Variants in HNRNPM observed in about 807,000 individuals in gnomAD.
HNRNPM encodes the protein CEA receptor.
HNRNPM carries 11 observed loss-of-function variants against 73.1 expected under a neutral mutation model. The observed-to-expected ratio is 0.15, with a 90% CI of 0.09 to 0.25. The LOEUF (loss-of-function observed/expected upper bound fraction) is 0.25. Ranked by LOEUF, HNRNPM falls within the 10% of genes least tolerant of loss-of-function variation. The pLI is 1.00. For synonymous variants in HNRNPM, 407 were observed against 355.2 expected (o/e 1.15, Z -1.64); for missense variants, 789 against 1,067.9 (o/e 0.74, Z 3.64).
chr19:8,460,134 CG>C (rs1297954780), intron 2 of HNRNPM, among the ~76,000 whole-genome samples: 1 of 152,134 alleles, frequency 6.6e-6, no homozygotes, highest in African/African-American at 2.4e-5. Flanking sequence ...ATGGTTTGCT[CG>C]TTAAACTTCA....
chr19:8,486,178 A>C lies in HNRNPM; in HGVS notation c.1750A>C (p.Met584Leu), dbSNP rs1223117176. The C allele has an allele frequency of 6.3e-7, 1 of 1,584,524 alleles. No homozygotes were observed. The highest frequency in any genetic ancestry group is 8.6e-7 in the Non-Finnish European group (1 of 1,164,138). The change falls in exon 14 of 16, where the codon ATG becomes CTG. Residue 584 changes from methionine to leucine, a missense_variant. Met to Leu is a conservative substitution (Grantham distance 15). Transcript: ENST00000325495. ...CCTCGAGCGCATGGGCCTGGAGCGC[A>C]TGGGTGCCAACAGCCTCGAGCGCAT... is the stretch of plus-strand genomic sequence containing the variant. ...NSLERMGLER[M>L]GANSLERMGP... is the part of the protein sequence containing the mutation.
rs1330259867 is a variant in HNRNPM, at chr19:8,485,786, G to A, written c.1358G>A (p.Gly453Asp). ...GGCTCCGTGGAGCGCATGGGCTCCG[G>A]CATTGAGCGCATGGGCCCGCTGGGC... ...RMGSVERMGS[G>D]IERMGPLGLD... The change falls in exon 14 of 16, where the codon GGC becomes GAC. Residue 453 changes from glycine to aspartate, a missense_variant. Physicochemically the swap from Gly to Asp is moderately conservative, Grantham distance 94 (BLOSUM62 -1). This residue lies in a region of HNRNPM where 604 missense variants were observed against 744.0 expected (regional missense o/e 0.81). Transcript: ENST00000325495. The A allele has an allele frequency of 6.2e-7, 1 of 1,602,780 alleles. No individual in the cohort carries two copies. The highest frequency in any genetic ancestry group is 8.5e-7 in the Non-Finnish European group (1 of 1,178,836).
At chr19:8,454,684 C>CCCCT (rs1491140298) in intron 1 of HNRNPM, among the ~76,000 whole-genome samples, 1 of 118,768 alleles carries the variant, frequency 8.4e-6, no homozygotes, top group East Asian at 2.5e-4. Context: ...CCCCCCCCCC[C>CCCCT]TTTTTTTTTT....
rs562050119 is a variant in HNRNPM, at chr19:8,476,111, T to C, written c.1120+1867T>C. The stretch of plus-strand genomic sequence containing the variant: ...AGGATTCAGAGCCTGGGGTACGCGG[T>C]GGCAAAGGATTCCAAGTGCTGATTC... On this transcript the variant is annotated intron_variant, in intron 12 of 15. Coordinates refer to ENST00000325495, the MANE Select transcript of HNRNPM (RefSeq NM_005968.5). Among the ~76,000 whole-genome samples the C allele has an allele frequency of 4.8e-3, 736 of 152,098 alleles. 4 individuals are homozygous for C. The highest frequency in any genetic ancestry group is 9.0e-3 in the Non-Finnish European group (612 of 67,994).
At position 8,486,090 on chromosome 19, in the gene HNRNPM, C is replaced by T. The variant is rs1295729710; in HGVS notation, c.1662C>T (p.Gly554=). The T allele has an allele frequency of 6.2e-7, 1 of 1,606,428 alleles. No individual in the cohort carries two copies. The highest frequency in any genetic ancestry group is 8.5e-7 in the Non-Finnish European group (1 of 1,179,536). The change falls in exon 14 of 16, where the codon GGC becomes GGT. Residue 554 remains glycine (G), a synonymous_variant. Transcript: ENST00000325495. ...CCGTGATGGATCGCATGGCCACCGG[C>T]CTGGAGCGCATGGGCGCCAACAATC... ...MGPVMDRMAT[G]LERMGANNLE... is the part of the protein sequence containing the mutation.
intron 12 of HNRNPM, among the ~76,000 whole-genome samples, chr19:8,477,790 C>A (rs76115160): frequency 6.6e-6 from 1 of 151,994 alleles, no homozygotes; most frequent in South Asian, 2.1e-4. Context: ...TGCAGACATA[C>A]GTCTCGCCAT....
intron 12 of HNRNPM, among the ~76,000 whole-genome samples, chr19:8,481,241 T>C (rs111364559): frequency 0.06 from 9,110 of 152,258 alleles, 586 homozygotes; most frequent in African/African-American, 0.16. Context: ...ATACTAAGGG[T>C]GGCTTGGGAC....
chr19:8,473,467 A>G (rs1326981398), intron 10 of HNRNPM, among the ~76,000 whole-genome samples, 197 bp from the exon 11 acceptor site: 1 of 152,096 alleles, frequency 6.6e-6, no homozygotes, highest in Non-Finnish European at 1.5e-5. Flanking sequence ...TTTAAAAAAA[A>G]AAAAAATAGC....
At chr19:8,446,139 T>TGG (rs1968167474) in intron 1 of HNRNPM, among the ~76,000 whole-genome samples, 1 of 152,218 alleles carries the variant, frequency 6.6e-6, no homozygotes, top group African/African-American at 2.4e-5. Flanking sequence ...ATTTATTTCA[T>TGG]TGTGGTAAAA....
At position 8,466,323 on chromosome 19, in the gene HNRNPM, A is replaced by T; in HGVS notation, c.719A>T (p.Asp240Val). The change falls in exon 7 of 16, where the codon GAT becomes GTT. Residue 240 changes from aspartate to valine, a missense_variant. Physicochemically the swap from Asp to Val is radical, Grantham distance 152. Coordinates refer to ENST00000325495, the MANE Select transcript of HNRNPM (RefSeq NM_005968.5). ...CGAGCAGACATTCTTGAAGATAAAG[A>T]TGGAAAAAGTCGTGGAATAGGCACT... ...VVRADILEDK[D>V]GKSRGIGTVT... The T allele has an allele frequency of 1.2e-6, 2 of 1,614,150 alleles. No individual in the cohort carries two copies. The highest frequency in any genetic ancestry group is 1.7e-6 in the Non-Finnish European group (2 of 1,180,002).
rs997269764 is a variant in HNRNPM at position 8,462,621 on chromosome 19, T to C, written c.336+40T>C. On this transcript the variant is annotated intron_variant, in intron 3 of 15. Coordinates refer to ENST00000325495, the MANE Select transcript of HNRNPM (RefSeq NM_005968.5). The surrounding 1 kb of genome is among the most constrained non-coding windows in gnomAD (Gnocchi z 4.5). Reference sequence around the variant, plus strand: ...GAATTTCTTCTGTGGATTTACTACATGAAAAATGTAACTGTATGGTGGCGT... The same window carrying C: ...GAATTTCTTCTGTGGATTTACTACACGAAAAATGTAACTGTATGGTGGCGT... The C allele has an allele frequency of 6.6e-7, 1 of 1,505,202 alleles. No individual in the cohort carries two copies. Among genetic ancestry groups the C allele is most frequent in the African/African-American group, 1.4e-5 (1 of 72,824 alleles). 93.2% of individuals were successfully genotyped at this position (1,505,202 alleles called of 1,614,324 possible).
intron 6 of HNRNPM, among the ~76,000 whole-genome samples, chr19:8,465,734 C>T (rs1001725368): frequency 6.6e-6 from 1 of 152,050 alleles, no homozygotes; most frequent in Non-Finnish European, 1.5e-5. Flanking sequence ...TCCTGAGTTT[C>T]GCAGGTGTTT....
In HNRNPM at chr19:8,488,767, A is replaced by G. The variant is rs148881453; in HGVS notation, c.2106A>G (p.Pro702=). Residue 702 remains proline (P), a synonymous_variant, in exon 16 of 16, where the codon CCA becomes CCG. Transcript: ENST00000325495. ...GTGGCGTGGTTAAGTTCGAGTCGCC[A>G]GAGGTGGCCGAGAGAGCCTGCCGGA... The part of the protein sequence containing the change: ...KGCGVVKFES[P]EVAERACRMM... 4.3e-5 allele frequency: 70 copies of G among 1,614,102 alleles called. No individual in the cohort carries two copies. The African/African-American group carries it at 8.5e-4, about 20-fold the overall frequency.
chr19:8,476,578 A>G (rs1599827972), intron 12 of HNRNPM, among the ~76,000 whole-genome samples: 3 of 68,378 alleles, frequency 4.4e-5, no homozygotes, highest in African/African-American at 1.9e-4. Flanking sequence ...AAAAAAAAAA[A>G]AGAGAGATTG....
rs199738874 is a variant in HNRNPM, at chr19:8,467,575, C to T, written c.825C>T (p.His275=). 1.9e-5 allele frequency: 31 copies of T among 1,609,176 alleles called. No individual in the cohort carries two copies. Among genetic ancestry groups the T allele is most frequent in the African/African-American group, 5.3e-5 (4 of 74,910 alleles). The change falls in exon 8 of 16, where the codon CAC becomes CAT. Residue 275 remains histidine, a synonymous_variant. Transcript: ENST00000325495. ...AGCTGCTATTTGATAGACCAATGCA[C>T]GTCAAGATGGTAAGTCAGTAGGATC... ...NGQLLFDRPM[H]VKMDERALPK...
Position 8,468,814 on chromosome 19 carries a change from A to G in HNRNPM, c.875A>G (p.Glu292Gly), listed in dbSNP as rs1204366437. Reference sequence around the variant, plus strand: ...CCAAAAGGAGATTTCTTCCCTCCTGAGCGTCCACAACAACTTCCCCGTAAG... The same window carrying G: ...CCAAAAGGAGATTTCTTCCCTCCTGGGCGTCCACAACAACTTCCCCGTAAG... ...ALPKGDFFPP[E>G]RPQQLPHGLG... Residue 292 changes from glutamate to glycine, a missense_variant, in exon 9 of 16, where the codon GAG becomes GGG. Physicochemically the swap from Glu to Gly is moderately conservative, Grantham distance 98. Transcript: ENST00000325495. 6.2e-7 allele frequency: 1 copy of G among 1,613,768 alleles called. No individual in the cohort carries two copies. The highest frequency in any genetic ancestry group is 8.5e-7 in the Non-Finnish European group (1 of 1,179,686).
At chr19:8,471,254 A>G in intron 9 of HNRNPM, 72 bp from the exon 10 acceptor site, 1 of 924,850 alleles carries the variant, frequency 1.1e-6, no homozygotes, top group East Asian at 2.7e-5. Context: ...AACTCACTAA[A>G]CACTCTTTTC....
chr19:8,483,373 CCT>C (rs1298595702), intron 13 of HNRNPM, among the ~76,000 whole-genome samples, 162 bp downstream of exon 13: 1 of 152,162 alleles, frequency 6.6e-6, no homozygotes, highest in Non-Finnish European at 1.5e-5. Context: ...AGTCACTGAA[CCT>C]CTCTGTTTCT....
rs145107691 is a variant in HNRNPM at position 8,451,571 on chromosome 19, C to A, written c.114-3834C>A. Among the ~76,000 whole-genome samples the A allele has an allele frequency of 4.6e-3, 702 of 152,240 alleles. 7 individuals carry two copies. Among genetic ancestry groups the A allele is most frequent in the African/African-American group, 0.016 (663 of 41,528 alleles). ...TCCCTTGCCGAGACAGGGTCTCCCGCTGTTACCCCCGGCTGGAGTGTAGTG... is the reference window on the plus strand; with the variant it reads ...TCCCTTGCCGAGACAGGGTCTCCCGATGTTACCCCCGGCTGGAGTGTAGTG... On this transcript the variant is annotated intron_variant, in intron 1 of 15. Coordinates refer to ENST00000325495, the MANE Select transcript of HNRNPM (RefSeq NM_005968.5).
Sources: gnomAD v4.1 joint callset for allele counts (sites outside exome capture counted in the v4.1 genomes callset) on GRCh38, gnomAD v4.1.1 for gene constraint, gnomAD v4.1.1 regional missense constraint, Gnocchi (gnomAD v3.1) non-coding constraint, MANE v1.5 for transcripts, NCBI Gene and HGNC (gene_info 2026-07-23, HGNC 2026-07-21) for gene names.